Variants in PLCB1 observed in about 807,000 individuals in gnomAD.
PLCB1 encodes 1-phosphatidylinositol 4,5-bisphosphate phosphodiesterase beta-1.
A neutral mutation model predicts 161.8 loss-of-function variants in PLCB1; 46 were observed. The observed-to-expected ratio is 0.28, with a 90% CI of 0.22 to 0.36. The LOEUF is 0.36. Ranked by LOEUF, PLCB1 falls within the 10% of genes least tolerant of loss-of-function variation. The probability of loss-of-function intolerance (pLI) is 1.00; values close to 1 mark genes in which losing one functional copy is unlikely to be tolerated. For synonymous variants in PLCB1, 517 were observed against 503.7 expected, an observed-to-expected ratio of 1.03 and a Z score of -0.35; for missense variants, 1,016 against 1,472.5, an observed-to-expected ratio of 0.69 and a Z score of 5.07.
chr20:8,514,149 C>A (rs1984009224), intron 3 of PLCB1, among the ~76,000 whole-genome samples: 1 of 151,994 alleles, frequency 6.6e-6, no homozygotes, highest in African/African-American at 2.4e-5. Context: ...TTGAAACCAG[C>A]CTGGGTGGGC....
intron 4 of PLCB1, among the ~76,000 whole-genome samples, chr20:8,636,578 C>T (rs1157148549): frequency 6.6e-6 from 1 of 152,074 alleles, no homozygotes; most frequent in African/African-American, 2.4e-5. Context: ...AAAAAAGGGG[C>T]AACTTGGATT....
At chr20:8,440,535 TTGTCTA>T (rs1022897559) in intron 3 of PLCB1, among the ~76,000 whole-genome samples, 27 of 152,206 alleles carry the variant, frequency 1.8e-4, no homozygotes, top group African/African-American at 6.3e-4. Flanking sequence ...AGTCCAGTTC[TTGTCTA>T]TGGATCCAGA....
intron 3 of PLCB1, among the ~76,000 whole-genome samples, chr20:8,584,110 G>A (rs1039694549): frequency 6.6e-6 from 1 of 152,092 alleles, no homozygotes; most frequent in Non-Finnish European, 1.5e-5. Flanking sequence ...TCTAGAATTA[G>A]TTTAATTATT....
At chr20:8,571,200 G>T (rs1890263116) in intron 3 of PLCB1, among the ~76,000 whole-genome samples, 1 of 152,320 alleles carries the variant, frequency 6.6e-6, no homozygotes, top group East Asian at 1.9e-4. Flanking sequence ...GGGAGGCCAG[G>T]CATGGTGGCT....
intron 3 of PLCB1, among the ~76,000 whole-genome samples, chr20:8,525,513 G>A (rs1019822289): frequency 7.9e-5 from 12 of 152,140 alleles, no homozygotes; most frequent in Non-Finnish European, 4.4e-5. Context: ...ACTGTACTGA[G>A]GGGACACAAT....
intron 3 of PLCB1, among the ~76,000 whole-genome samples, chr20:8,582,963 T>C (rs1986878985): frequency 7.2e-6 from 1 of 138,706 alleles, no homozygotes; most frequent in African/African-American, 2.8e-5. Context: ...CACTCTAGCC[T>C]GGGTGACAGA....
intron 2 of PLCB1, among the ~76,000 whole-genome samples, chr20:8,167,922 C>T (rs1287935238): frequency 6.6e-6 from 1 of 152,118 alleles, no homozygotes; most frequent in Admixed American, 6.5e-5. Context: ...CTGGCTTCTG[C>T]AGCTACTCAT....
chr20:8,492,392 C>G (rs1212974691), intron 3 of PLCB1, among the ~76,000 whole-genome samples: 3 of 151,992 alleles, frequency 2.0e-5, no homozygotes, highest in African/African-American at 7.3e-5. Context: ...TGCTGATAAA[C>G]TGTTCAAATA....
chr20:8,868,978 C>T lies in PLCB1; in HGVS notation c.3424-12644C>T, dbSNP rs142015208. On this transcript the variant is annotated intron_variant, in intron 31 of 31. Transcript: ENST00000338037. ...TTCAGATCTTGATTCTGCGCTGAAC[C>T]ACTTGGATGGTAGGCTTTAGTCTCC... 2.4e-3 allele frequency among the ~76,000 whole-genome samples: 361 copies of T among 152,248 alleles called. 3 individuals are homozygous for T. The highest frequency in any genetic ancestry group is 8.2e-3 in the African/African-American group (342 of 41,540).
intron 3 of PLCB1, among the ~76,000 whole-genome samples, chr20:8,405,797 G>A (rs986205542): frequency 3.9e-5 from 6 of 152,134 alleles, no homozygotes; most frequent in African/African-American, 1.4e-4. Flanking sequence ...AGATGATCAT[G>A]TTAATACTGT....
intron 31 of PLCB1, among the ~76,000 whole-genome samples, chr20:8,840,766 A>G (rs1475992701): frequency 6.6e-6 from 1 of 152,172 alleles, no homozygotes; most frequent in Non-Finnish European, 1.5e-5. Context: ...TCTGAGCTAC[A>G]TATTGTACTA....
At chr20:8,535,734 A>C (rs904013808) in intron 3 of PLCB1, among the ~76,000 whole-genome samples, 27 of 152,186 alleles carry the variant, frequency 1.8e-4, no homozygotes, top group Non-Finnish European at 3.1e-4. Context: ...TAAAGCTCAT[A>C]TTATAAAGGC....
intron 3 of PLCB1, among the ~76,000 whole-genome samples, chr20:8,430,854 A>C (rs542911186): frequency 6.6e-6 from 1 of 152,124 alleles, no homozygotes; most frequent in Non-Finnish European, 1.5e-5. Flanking sequence ...GCTACTCAGG[A>C]GGCTGAGGCA....
chr20:8,558,272 C>G (rs1986027247), intron 3 of PLCB1, among the ~76,000 whole-genome samples: 1 of 151,592 alleles, frequency 6.6e-6, no homozygotes, highest in Non-Finnish European at 1.5e-5. Context: ...CAAAATATCT[C>G]ATATAATACA....
chr20:8,871,119 T>C (rs1449358792), intron 31 of PLCB1, among the ~76,000 whole-genome samples: 1 of 152,242 alleles, frequency 6.6e-6, no homozygotes, highest in African/African-American at 2.4e-5. Flanking sequence ...AGCCATAGAT[T>C]ATGAAAACAG....
At chr20:8,182,304 T>C (rs1260866672) in intron 2 of PLCB1, among the ~76,000 whole-genome samples, 1 of 152,208 alleles carries the variant, frequency 6.6e-6, no homozygotes, top group Non-Finnish European at 1.5e-5. Flanking sequence ...AGTTGGAGAC[T>C]ATTTCCTCAC....
intron 2 of PLCB1, among the ~76,000 whole-genome samples, chr20:8,191,743 A>G (rs2051973042): frequency 6.6e-6 from 1 of 152,202 alleles, no homozygotes; most frequent in East Asian, 1.9e-4. Context: ...CTAAATTTCA[A>G]TTATGAAATT....
intron 3 of PLCB1, among the ~76,000 whole-genome samples, chr20:8,480,407 G>C (rs1568692277): frequency 6.6e-6 from 1 of 152,152 alleles, no homozygotes; most frequent in Non-Finnish European, 1.5e-5. Flanking sequence ...TCCTGAAACT[G>C]GGGGGAGGAG....
At chr20:8,639,283 C>G (rs78791219) in intron 4 of PLCB1, among the ~76,000 whole-genome samples, 2 of 152,138 alleles carry the variant, frequency 1.3e-5, no homozygotes, top group Non-Finnish European at 2.9e-5. Context: ...TATTTGGGAA[C>G]AGAGTGTTGT....
Sources: allele counts gnomAD v4.1 joint callset (sites outside exome capture counted in the v4.1 genomes callset), GRCh38; gene constraint gnomAD v4.1.1; transcripts MANE v1.5; gene names NCBI Gene and HGNC (gene_info 2026-07-23, HGNC 2026-07-21).